The following PCDHGB3 variants were observed in gnomAD, a reference collection of about 807,000 sequenced individuals.
PCDHGB3 encodes protocadherin gamma subfamily B, 3.
Under a neutral mutation model 59.2 loss-of-function variants are expected in PCDHGB3, and 40 were observed. The observed-to-expected ratio is 0.68, with a 90% CI of 0.52 to 0.88. The LOEUF is 0.88. Among genes scored for constraint, PCDHGB3 ranks in the 40% least tolerant of loss-of-function variants. The pLI, the probability that PCDHGB3 is intolerant of heterozygous loss-of-function variation, is 0.00. For missense variants in PCDHGB3, 1,309 were observed against 1,187.9 expected, an observed-to-expected ratio of 1.10 and a Z score of -1.50; for synonymous variants, 581 against 503.6, an observed-to-expected ratio of 1.15 and a Z score of -2.06.
chr5:141,451,216 A>G (rs1561943760), intron 1 of PCDHGB3, among the ~76,000 whole-genome samples: 1 of 152,204 alleles, frequency 6.6e-6, no homozygotes, highest in Non-Finnish European at 1.5e-5. Context: ...TTAGTGGCTT[A>G]AAAGAAGCAT....
chr5:141,401,281 G>C (rs2094135967), intron 1 of PCDHGB3, among the ~76,000 whole-genome samples: 1 of 152,200 alleles, frequency 6.6e-6, no homozygotes, highest in Non-Finnish European at 1.5e-5. Context: ...GGTGGAGGTT[G>C]CGGTGAGCCG....
intron 1 of PCDHGB3, 157 bp from the exon 2 acceptor site, chr5:141,494,650 T>G (rs1366776271): frequency 1.0e-6 from 1 of 960,138 alleles, no homozygotes; most frequent in East Asian, 1.1e-4. Context: ...CTGAGGTGTA[T>G]TTTGTCTTTG....
intron 1 of PCDHGB3, among the ~76,000 whole-genome samples, chr5:141,373,452 G>A (rs1032272285): frequency 6.6e-6 from 1 of 152,218 alleles, no homozygotes; most frequent in South Asian, 2.1e-4. Context: ...GATCCCAGGA[G>A]GTAGCAGCTG....
intron 1 of PCDHGB3, chr5:141,394,727 C>T (rs971156422): frequency 1.2e-6 from 2 of 1,613,318 alleles, no homozygotes; most frequent in African/African-American, 1.3e-5. Context: ...GAGATGCGCT[C>T]AAGCAGAGCC....
rs979093310 is a variant in PCDHGB3 at position 141,486,621 on chromosome 5, A to G, written c.2416-8186A>G. On this transcript the variant is annotated intron_variant, in intron 1 of 3. Transcript: ENST00000576222. This position sits in a 1 kb window ranked among gnomAD's most constrained non-coding sequence, Gnocchi z 5.0. The stretch of plus-strand genomic sequence containing the variant: ...TGCTCCCTTGCAGCCTCTGACCCAG[A>G]CTCTGGCTTGAATGCGCTTATCTCC... 6.2e-7 allele frequency: 1 copy of G among 1,613,388 alleles called. No individual in the cohort carries two copies. The highest frequency in any genetic ancestry group is 1.3e-5 in the African/African-American group (1 of 74,960).
chr5:141,474,371 G>A (rs909237592), intron 1 of PCDHGB3, among the ~76,000 whole-genome samples: 1 of 152,180 alleles, frequency 6.6e-6, no homozygotes, highest in African/African-American at 2.4e-5. Flanking sequence ...TAGGTCTAGA[G>A]GAGGGCATTT....
Position 141,491,057 on chromosome 5 carries a change from CCTA to C in PCDHGB3, c.2416-3747_2416-3745del. On this transcript the variant is annotated intron_variant, in intron 1 of 3. Coordinates refer to ENST00000576222, the MANE Select transcript of PCDHGB3 (RefSeq NM_018924.5). The surrounding 1 kb of genome is among the most constrained non-coding windows in gnomAD (Gnocchi z 6.9). ...GATGCAGGCCACAATGCGTGGCTCTCCTACTCACTGTTGCCACAGTCCACAGCC... is the reference window on the plus strand; with the variant it reads ...GATGCAGGCCACAATGCGTGGCTCTCCTCACTGTTGCCACAGTCCACAGCC... 6.2e-7 allele frequency: 1 copy of C among 1,614,208 alleles called. No homozygotes were observed. The highest frequency in any genetic ancestry group is 8.5e-7 in the Non-Finnish European group (1 of 1,180,022).
intron 1 of PCDHGB3, among the ~76,000 whole-genome samples, chr5:141,425,165 A>G (rs1391395593): frequency 6.6e-6 from 1 of 152,140 alleles, no homozygotes; most frequent in Non-Finnish European, 1.5e-5. Flanking sequence ...TAGGGATAGG[A>G]TTTATACTTG....
chr5:141,372,185 C>T lies in PCDHGB3; in HGVS notation c.1791C>T (p.Asp597=). The T allele has an allele frequency of 6.2e-7, 1 of 1,613,630 alleles. No individual in the cohort carries two copies. The highest frequency in any genetic ancestry group is 8.5e-7 in the Non-Finnish European group (1 of 1,179,924). ...CCAAGGTGGTGGCGGTGGACGCAGACTCGGGATACAACGCCTGGCTGTCCT... is the reference window on the plus strand; with the variant it reads ...CCAAGGTGGTGGCGGTGGACGCAGATTCGGGATACAACGCCTGGCTGTCCT... The part of the protein sequence containing the change: ...LVTKVVAVDA[D]SGYNAWLSYH... The change falls in exon 1 of 4, where the codon GAC becomes GAT. Residue 597 remains aspartate (D), a synonymous_variant. Coordinates refer to ENST00000576222, the MANE Select transcript of PCDHGB3 (RefSeq NM_018924.5).
At chr5:141,383,426 G>A (rs72790024) in intron 1 of PCDHGB3, 89,880 of 1,613,866 alleles carry the variant, frequency 0.056, 3,017 homozygotes, top group African/African-American at 0.15. Context: ...AGCCCCAATC[G>A]CCACTTCTCC....
At chr5:141,413,229 C>A in intron 1 of PCDHGB3, 1 of 1,613,914 alleles carries the variant, frequency 6.2e-7, no homozygotes, top group South Asian at 1.1e-5. Context: ...GCGGGCTGGT[C>A]CTGCTCTGCC....
intron 1 of PCDHGB3, chr5:141,385,702 C>A: frequency 3.6e-6 from 1 of 278,020 alleles, no homozygotes; most frequent in Non-Finnish European, 5.7e-6. Context: ...TTCTCTTTAG[C>A]ATTCAAATAT....
At chr5:141,421,079 T>A (rs2096545177) in intron 1 of PCDHGB3, 1 of 630,528 alleles carries the variant, frequency 1.6e-6, no homozygotes, top group Non-Finnish European at 2.7e-6. Context: ...AGATGGATAC[T>A]CACAGATCCT....
Position 141,372,522 on chromosome 5 carries a change from G to T in PCDHGB3, c.2128G>T (p.Ala710Ser). The change falls in exon 1 of 4, where the codon GCA (alanine) becomes TCA (serine). Residue 710 changes from alanine to serine, a missense_variant. Transcript: ENST00000576222. ...GCTCTTCCTCCTCGCGGTGATTCTGGCAATCTCCCTGCGCCTGCGATGCTC... is the reference window on the plus strand; with the variant it reads ...GCTCTTCCTCCTCGCGGTGATTCTGTCAATCTCCCTGCGCCTGCGATGCTC... ...SVLFLLAVIL[A>S]ISLRLRCSSR... 1 of 1,613,986 alleles carries T rather than the reference G, an allele frequency of 6.2e-7. No individual in the cohort carries two copies. The highest frequency in any genetic ancestry group is 8.5e-7 in the Non-Finnish European group (1 of 1,179,874).
intron 2 of PCDHGB3, 91 bp from the exon 3 acceptor site, chr5:141,505,302 G>C: frequency 6.3e-7 from 1 of 1,592,714 alleles, no homozygotes. Context: ...TAGGGTTAGG[G>C]TACTAGGTTT....
chr5:141,511,288 C>G lies in PCDHGB3; in HGVS notation c.*115C>G. ...CTAACCCCCAGAATACTGGTAGGGG[C>G]CAAGGCCATGCTCCCCTTGGGAAAC... On this transcript the variant is annotated 3_prime_UTR_variant, in exon 4 of 4. Transcript: ENST00000576222. 6.6e-7 allele frequency: 1 copy of G among 1,518,266 alleles called. No homozygotes were observed. The highest frequency in any genetic ancestry group is 8.9e-7 in the Non-Finnish European group (1 of 1,129,706). The allele number at this position is 1,518,266 out of a possible 1,614,324, so 94.0% of individuals were successfully genotyped here.
In PCDHGB3 at chr5:141,476,476, C is replaced by T; in HGVS notation, c.2416-18331C>T. 6.2e-7 allele frequency: 1 copy of T among 1,613,986 alleles called. No homozygotes were observed. The highest frequency in any genetic ancestry group is 8.5e-7 in the Non-Finnish European group (1 of 1,179,992). On this transcript the variant is annotated intron_variant, in intron 1 of 3. Transcript: ENST00000576222. The surrounding 1 kb of genome is among the most constrained non-coding windows in gnomAD (Gnocchi z 7.6). Reference sequence around the variant, plus strand: ...TGGAGAACCCGCTGGAGCTGTTCAGCGTGGAAGTGGTGATCCAGGACATCA... The same window carrying T: ...TGGAGAACCCGCTGGAGCTGTTCAGTGTGGAAGTGGTGATCCAGGACATCA...
intron 1 of PCDHGB3, among the ~76,000 whole-genome samples, chr5:141,472,980 C>CAAAAA (rs60579131): frequency 1.7e-4 from 15 of 86,092 alleles, no homozygotes; most frequent in East Asian, 4.1e-4. Context: ...GAGTGAAACT[C>CAAAAA]AAAAAAAAAA....
rs142703691 is a variant in PCDHGB3 at position 141,489,691 on chromosome 5, C to T, written c.2416-5116C>T. On this transcript the variant is annotated intron_variant, in intron 1 of 3. Transcript: ENST00000576222. The surrounding 1 kb of genome is among the most constrained non-coding windows in gnomAD (Gnocchi z 4.5). ...CTCAGAATCAGCAGCATCTGGGGCACGATTCCCACTGGACAGTGCCCAGGA... is the reference window on the plus strand; with the variant it reads ...CTCAGAATCAGCAGCATCTGGGGCATGATTCCCACTGGACAGTGCCCAGGA... 8.1e-6 allele frequency: 13 copies of T among 1,614,164 alleles called. No individual in the cohort carries two copies. The highest frequency in any genetic ancestry group is 3.3e-5 in the South Asian group (3 of 91,080).
Sources: allele counts gnomAD v4.1 joint callset (sites outside exome capture counted in the v4.1 genomes callset), GRCh38; gene constraint gnomAD v4.1.1; non-coding constraint Gnocchi (gnomAD v3.1); transcripts MANE v1.5; gene names NCBI Gene and HGNC (gene_info 2026-07-23, HGNC 2026-07-21).